Variants in LRRC53 observed in about 807,000 individuals in gnomAD.
LRRC53 encodes leucine rich repeat containing 53, also known as leucine-rich repeat-containing protein 53.
A neutral mutation model predicts 13.6 loss-of-function variants in LRRC53; 25 were observed. The ratio of observed to expected loss-of-function variants is 1.83; its 90% CI spans 1.34 to 2.56. The LOEUF (loss-of-function observed/expected upper bound fraction) is 2.56, where lower values mean the gene tolerates loss of function less well. LRRC53 is among the 30% of genes most tolerant of loss of function. The pLI, the probability that LRRC53 is intolerant of heterozygous loss-of-function variation, is 0.00. For missense variants in LRRC53, 527 were observed against 275.8 expected (o/e 1.91, Z -6.45); for synonymous variants, 204 against 109.8 (o/e 1.86, Z -5.37).
intron 1 of LRRC53, among the ~76,000 whole-genome samples, chr1:74,506,194 A>T (rs1334602404): frequency 2.0e-5 from 3 of 152,256 alleles, no homozygotes; most frequent in African/African-American, 7.2e-5. Context: ...TCTGTGACAT[A>T]GAACAGAAAT....
intron 1 of LRRC53, among the ~76,000 whole-genome samples, chr1:74,506,956 T>C (rs962556340): frequency 6.6e-6 from 1 of 152,184 alleles, no homozygotes; most frequent in Admixed American, 6.5e-5. Context: ...AATAAGTTTC[T>C]TGAGGGGGAG....
the LRRC53 span, among the ~76,000 whole-genome samples, chr1:74,533,431 T>C: frequency 1.3e-5 from 2 of 152,266 alleles, no homozygotes; most frequent in Non-Finnish European, 2.9e-5. Flanking sequence ...GGAGAGGATG[T>C]GGAGAAATAG....
chr1:74,530,061 C>A, the LRRC53 span, among the ~76,000 whole-genome samples: 2 of 152,132 alleles, frequency 1.3e-5, no homozygotes, highest in African/African-American at 4.8e-5. Context: ...ACCTCCTGGC[C>A]TCAAGAGATC....
the LRRC53 span, among the ~76,000 whole-genome samples, chr1:74,532,706 C>T: frequency 1.3e-5 from 2 of 150,446 alleles, no homozygotes; most frequent in South Asian, 2.1e-4. Flanking sequence ...GGTACTGGTA[C>T]CAAAACAGAG....
chr1:74,511,657 G>A (rs1023849307), intron 1 of LRRC53, among the ~76,000 whole-genome samples: 1 of 151,960 alleles, frequency 6.6e-6, no homozygotes, highest in Admixed American at 6.6e-5. Flanking sequence ...CAGTCCTGGG[G>A]GAATTCACAG....
chr1:74,514,285 CTA>C (rs145896506), upstream of LRRC53, among the ~76,000 whole-genome samples: 345 of 152,242 alleles, frequency 2.3e-3, 11 homozygotes, highest in East Asian at 0.058. Context: ...TCACACAATT[CTA>C]TGTATTTGTC....
At chr1:74,523,134 G>A in the LRRC53 span, among the ~76,000 whole-genome samples, 1 of 152,176 alleles carries the variant, frequency 6.6e-6, no homozygotes, top group African/African-American at 2.4e-5. Flanking sequence ...CAAGTTGCCT[G>A]ACCAATTTGC....
At chr1:74,474,805 G>A (rs114952864) in intron 4 of LRRC53, among the ~76,000 whole-genome samples, 1 of 152,102 alleles carries the variant, frequency 6.6e-6, no homozygotes, top group African/African-American at 2.4e-5. Flanking sequence ...ATCCCTGACA[G>A]CTCAGCAAGC....
intron 1 of LRRC53, chr1:74,489,153 T>C: frequency 6.3e-7 from 1 of 1,588,204 alleles, no homozygotes; most frequent in Non-Finnish European, 8.6e-7. Context: ...CTTCCTTTTA[T>C]TCTTAAGGGA....
intron 1 of LRRC53, among the ~76,000 whole-genome samples, chr1:74,496,351 C>A (rs1669325543): frequency 6.6e-6 from 1 of 152,166 alleles, no homozygotes. Flanking sequence ...CCACTAACTT[C>A]TGATCTTTGG....
chr1:74,486,323 G>A (rs1241790895), intron 1 of LRRC53, among the ~76,000 whole-genome samples: 1 of 151,672 alleles, frequency 6.6e-6, no homozygotes, highest in African/African-American at 2.4e-5. Context: ...CCTTCAGGTA[G>A]CTGTCATTTA....
At chr1:74,500,224 G>A (rs562389675) in intron 1 of LRRC53, among the ~76,000 whole-genome samples, 1 of 151,632 alleles carries the variant, frequency 6.6e-6, no homozygotes, top group Non-Finnish European at 1.5e-5. Context: ...TGATTTCATT[G>A]TTTTATACAA....
chr1:74,535,043 G>A, the LRRC53 span, among the ~76,000 whole-genome samples: 9 of 147,508 alleles, frequency 6.1e-5, no homozygotes, highest in East Asian at 2.0e-4. Flanking sequence ...TAAAAATCAG[G>A]CATTCAGCCC....
chr1:74,486,644 A>G (rs1038300310), intron 1 of LRRC53, among the ~76,000 whole-genome samples: 2 of 151,810 alleles, frequency 1.3e-5, no homozygotes, highest in African/African-American at 4.8e-5. Flanking sequence ...ATAATCTGGA[A>G]GTTGTTTTTT....
At chr1:74,483,089 T>C (rs542675494) in intron 2 of LRRC53, among the ~76,000 whole-genome samples, 173 bp downstream of exon 2, 2 of 152,352 alleles carry the variant, frequency 1.3e-5, no homozygotes, top group South Asian at 4.1e-4. Flanking sequence ...ATTGAGACCA[T>C]CAGGAACAGG....
Position 74,483,008 on chromosome 1 carries a change from G to A in LRRC53, c.88+254C>T, listed in dbSNP as rs1668580889. Among the ~76,000 whole-genome samples, 4 of 152,188 alleles carry A rather than the reference G, an allele frequency of 2.6e-5. No individual in the cohort carries two copies. In the South Asian group the frequency reaches 8.3e-4, roughly 32 times the overall value. On this transcript the variant is annotated intron_variant, in intron 2 of 4. Transcript: ENST00000294635. The stretch of plus-strand genomic sequence containing the variant: ...GATATATTTGTTAAGTGTGTAGCTG[G>A]ATAAAATGGTGATATTCTTTTGCAA...
At chr1:74,475,261 C>T (rs561581129) in intron 4 of LRRC53, 34 bp downstream of exon 4, 57 of 616,432 alleles carry the variant, frequency 9.2e-5, no homozygotes, top group Admixed American at 5.3e-4. Flanking sequence ...AAGAATTAAA[C>T]GGAGTGGGAT....
chr1:74,472,543 A>AT lies in LRRC53; in HGVS notation c.1421-343dup, dbSNP rs577435911. ...AAATCCTTTGTAAATGGCTATAGTAATTTTTTCCTGAATTCATTTCCCATT... is the reference window on the plus strand; with the variant it reads ...AAATCCTTTGTAAATGGCTATAGTAATTTTTTTCCTGAATTCATTTCCCATT... On this transcript the variant is annotated intron_variant, in intron 4 of 4. Coordinates refer to ENST00000294635, the MANE Select transcript of LRRC53 (RefSeq NM_001382280.1). Among the ~76,000 whole-genome samples the AT allele has an allele frequency of 9.4e-4, 143 of 152,164 alleles. 1 individual carries two copies. Among genetic ancestry groups the AT allele is most frequent in the African/African-American group, 3.3e-3 (135 of 41,530 alleles).
At chr1:74,474,327 C>T (rs1254097943) in intron 4 of LRRC53, among the ~76,000 whole-genome samples, 5 of 152,138 alleles carry the variant, frequency 3.3e-5, no homozygotes, top group Non-Finnish European at 7.4e-5. Flanking sequence ...CCTCAGCCAT[C>T]CCTCTGTTGT....
Sources: gnomAD v4.1 joint callset for allele counts (sites outside exome capture counted in the v4.1 genomes callset) on GRCh38, gnomAD v4.1.1 for gene constraint, MANE v1.5 for transcripts, NCBI Gene and HGNC (gene_info 2026-07-23, HGNC 2026-07-21) for gene names.